Variants in BFSP1 observed in about 807,000 individuals in gnomAD.
BFSP1 encodes the protein beaded filament structural protein 1.
Under a neutral mutation model 43.9 loss-of-function variants are expected in BFSP1, and 38 were observed. That is an observed-to-expected ratio of 0.87 (90% CI 0.67 to 1.14). BFSP1 has a LOEUF of 1.14. BFSP1 is among the 50% of genes most tolerant of loss of function. BFSP1 has a pLI of 0.00. For synonymous variants in BFSP1, 352 were observed against 354.8 expected (o/e 0.99, Z 0.09); for missense variants, 850 against 875.1 (o/e 0.97, Z 0.36).
At chr20:17,534,217 G>A (rs1398895107), upstream of BFSP1, among the ~76,000 whole-genome samples, 1 of 152,196 alleles carries the variant, frequency 6.6e-6, no homozygotes, top group Non-Finnish European at 1.5e-5. Flanking sequence ...CTTGATGAAA[G>A]GTCAGCTATG....
intron 5 of BFSP1, among the ~76,000 whole-genome samples, chr20:17,502,609 T>C (rs2033830921): frequency 6.6e-6 from 1 of 152,184 alleles, no homozygotes; most frequent in Non-Finnish European, 1.5e-5. Context: ...CATCGGCCCG[T>C]GGTTTTGTGG....
upstream of BFSP1, among the ~76,000 whole-genome samples, chr20:17,533,593 C>A (rs1054057906): frequency 2.6e-5 from 4 of 152,158 alleles, no homozygotes; most frequent in African/African-American, 9.7e-5. Flanking sequence ...TTGTTTGCAT[C>A]ATGTCTGCTG....
At chr20:17,524,976 C>A in intron 1 of BFSP1, 68 bp from the exon 2 acceptor site, 1 of 1,398,316 alleles carries the variant, frequency 7.2e-7, no homozygotes, top group Non-Finnish European at 1.0e-6. Context: ...ATCACATAAT[C>A]AGCATTAAAT....
intron 7 of BFSP1, among the ~76,000 whole-genome samples, chr20:17,495,423 C>T (rs2239653): frequency 0.37 from 56,430 of 152,138 alleles, 10,735 homozygotes; most frequent in African/African-American, 0.48. Flanking sequence ...CTTGGATCCA[C>T]AGAAGCCCAT....
upstream of BFSP1, among the ~76,000 whole-genome samples, chr20:17,531,653 C>A (rs980023883): frequency 7.2e-5 from 11 of 152,186 alleles, no homozygotes; most frequent in African/African-American, 2.7e-4. Flanking sequence ...CCATGACGCT[C>A]TTTTCACTGG....
At chr20:17,530,416 C>T (rs974043091) in intron 1 of BFSP1, among the ~76,000 whole-genome samples, 4 of 152,204 alleles carry the variant, frequency 2.6e-5, no homozygotes, top group African/African-American at 9.7e-5. Context: ...TAAATAACAT[C>T]GGTACATCTC....
chr20:17,495,124 A>G (rs2033601557), intron 7 of BFSP1, 95 bp from the exon 8 acceptor site: 2 of 1,207,266 alleles, frequency 1.7e-6, no homozygotes, highest in Admixed American at 2.3e-5. Flanking sequence ...TCTCGGAAAC[A>G]AACGCCTATA....
chr20:17,551,938 T>C (rs190779374), intron 1 of BFSP1, among the ~76,000 whole-genome samples: 216 of 150,810 alleles, frequency 1.4e-3, no homozygotes, highest in African/African-American at 5.1e-3. Context: ...TGAGCCGAGA[T>C]CACACCATTG....
chr20:17,508,955 A>G lies in BFSP1; in HGVS notation c.669T>C (p.Ser223=). 1 of 1,603,032 alleles carries G rather than the reference A, an allele frequency of 6.2e-7. No homozygotes were observed. Among genetic ancestry groups the G allele is most frequent in the Non-Finnish European group, 8.5e-7 (1 of 1,175,648 alleles). ...GCACCTCCCGGCCCTCCTCCAGCTGACTCCGCAGGGCGGCCACCTCCCGCT... is the reference window on the plus strand; with the variant it reads ...GCACCTCCCGGCCCTCCTCCAGCTGGCTCCGCAGGGCGGCCACCTCCCGCT... ...LTEREVAALR[S]QLEEGREVLS... Residue 223 remains serine, a synonymous_variant, in exon 5 of 8, where the codon AGT becomes AGC. Transcript: ENST00000377873.
upstream of BFSP1, among the ~76,000 whole-genome samples, chr20:17,563,907 A>AG (rs2035091261): frequency 6.7e-6 from 1 of 150,186 alleles, no homozygotes; most frequent in Non-Finnish European, 1.5e-5. Context: ...AAAAAAAAAA[A>AG]GAGGATACCC....
At chr20:17,557,338 G>A (rs1358739555) in intron 1 of BFSP1, among the ~76,000 whole-genome samples, 3 of 152,196 alleles carry the variant, frequency 2.0e-5, no homozygotes, top group East Asian at 1.9e-4. Flanking sequence ...TGAATACAGC[G>A]CCTCATTGCA....
chr20:17,567,919 G>T (rs1005077829), intron 1 of BFSP1, among the ~76,000 whole-genome samples: 23 of 151,544 alleles, frequency 1.5e-4, no homozygotes, highest in African/African-American at 5.6e-4. Flanking sequence ...GAAGGAACTA[G>T]GGGGGTGAAG....
chr20:17,498,125 G>A (rs1485602340), intron 6 of BFSP1, among the ~76,000 whole-genome samples: 1 of 152,218 alleles, frequency 6.6e-6, no homozygotes, highest in Non-Finnish European at 1.5e-5. Flanking sequence ...GACCTCAGTT[G>A]TGGGGGGCTT....
chr20:17,503,979 A>G (rs1422617886), intron 5 of BFSP1, among the ~76,000 whole-genome samples: 1 of 152,212 alleles, frequency 6.6e-6, no homozygotes, highest in Non-Finnish European at 1.5e-5. Context: ...CTACAAGTGG[A>G]GTGCAATCTT....
intron 1 of BFSP1, among the ~76,000 whole-genome samples, chr20:17,541,895 A>G (rs2034724587): frequency 2.0e-5 from 3 of 152,236 alleles, no homozygotes; most frequent in Admixed American, 6.5e-5. Flanking sequence ...TGACTTGGCA[A>G]GAACAACAAT....
chr20:17,545,662 T>C (rs1292536048), intron 1 of BFSP1, among the ~76,000 whole-genome samples: 2 of 152,250 alleles, frequency 1.3e-5, no homozygotes, highest in African/African-American at 4.8e-5. Flanking sequence ...AGGAGGCAGC[T>C]TGGTAATGCC....
At chr20:17,561,302 T>C (rs1408734032), upstream of BFSP1, among the ~76,000 whole-genome samples, 3 of 152,120 alleles carry the variant, frequency 2.0e-5, no homozygotes, top group Admixed American at 6.5e-5. Context: ...ATGGAGGCCA[T>C]CCTGGCTAAC....
In BFSP1 at chr20:17,514,727, G is replaced by A. The variant is rs201621150; in HGVS notation, c.528C>T (p.His176=). 32 of 1,613,914 alleles carry A rather than the reference G, an allele frequency of 2.0e-5. No individual in the cohort carries two copies. Among genetic ancestry groups the A allele is most frequent in the Non-Finnish European group, 2.5e-5 (30 of 1,179,826 alleles). The change falls in exon 3 of 8, where the codon CAC becomes CAT. Residue 176 remains histidine (H), a synonymous_variant. Coordinates refer to ENST00000377873, the MANE Select transcript of BFSP1 (RefSeq NM_001195.5). ...QDDISAAKDR[H]KKNLLEVQTY... ...TTCAAGGGGTCATGATTACCTTCTTGTGCCTGTCCTTTGCCGCACTGATAT... is the reference window on the plus strand; with the variant it reads ...TTCAAGGGGTCATGATTACCTTCTTATGCCTGTCCTTTGCCGCACTGATAT...
chr20:17,563,416 TGACA>T (rs1482119984), upstream of BFSP1, among the ~76,000 whole-genome samples: 1 of 23,682 alleles, frequency 4.2e-5, no homozygotes, highest in Non-Finnish European at 2.6e-4. Flanking sequence ...CCTTCCTTTC[TGACA>T]GAGTCTCGTG....
Sources: allele counts gnomAD v4.1 joint callset (sites outside exome capture counted in the v4.1 genomes callset), GRCh38; gene constraint gnomAD v4.1.1; transcripts MANE v1.5; gene names NCBI Gene and HGNC (gene_info 2026-07-23, HGNC 2026-07-21).